Variants in LRBA observed in about 807,000 individuals in gnomAD.
LRBA encodes lipopolysaccharide-responsive and beige-like anchor protein.
A neutral mutation model predicts 330.0 loss-of-function variants in LRBA; 176 were observed. That is an observed-to-expected ratio of 0.53 (90% CI 0.47 to 0.60). LRBA has a LOEUF of 0.60. Ranked by LOEUF, LRBA falls within the 20% of genes least tolerant of loss-of-function variation. LRBA has a pLI of 0.00. For synonymous variants in LRBA, 1,230 were observed against 1,193.0 expected (o/e 1.03, Z -0.64); for missense variants, 3,259 against 3,444.8 (o/e 0.95, Z 1.35).
In LRBA at chr4:150,817,292, A is replaced by G. The variant is rs557342729; in HGVS notation, c.5172-35T>C. Reference sequence around the variant, plus strand: ...AGAAAGTAAACAGACTGAAAGATACAAATTGATCTCTTGAATTAATTACAT... The same window carrying G: ...AGAAAGTAAACAGACTGAAAGATACGAATTGATCTCTTGAATTAATTACAT... On this transcript the variant is annotated intron_variant, in intron 30 of 56. Transcript: ENST00000651943. The G allele has an allele frequency of 8.2e-6, 13 of 1,593,450 alleles. No individual in the cohort carries two copies. In the East Asian group the frequency reaches 2.9e-4, roughly 36 times the overall value.
At chr4:150,649,357 T>A (rs1290217629) in intron 37 of LRBA, among the ~76,000 whole-genome samples, 3 of 152,200 alleles carry the variant, frequency 2.0e-5, no homozygotes, top group Non-Finnish European at 4.4e-5. Context: ...CAATCTGGTT[T>A]ACATACCACT....
At chr4:150,542,795 A>G (rs1765450794) in intron 40 of LRBA, among the ~76,000 whole-genome samples, 2 of 152,168 alleles carry the variant, frequency 1.3e-5, no homozygotes, top group Admixed American at 6.5e-5. Flanking sequence ...ATTTAAAATC[A>G]CCCAATCTTC....
intron 35 of LRBA, among the ~76,000 whole-genome samples, chr4:150,759,531 T>C (rs1379900458): frequency 6.6e-6 from 1 of 152,124 alleles, no homozygotes; most frequent in Non-Finnish European, 1.5e-5. Flanking sequence ...TGTTACTTTC[T>C]CAATGAGTCC....
At chr4:150,450,010 G>A (rs1361059190) in intron 44 of LRBA, among the ~76,000 whole-genome samples, 2 of 152,016 alleles carry the variant, frequency 1.3e-5, no homozygotes, top group Non-Finnish European at 1.5e-5. Flanking sequence ...GTCAGACTGG[G>A]CATGAAAGCA....
chr4:150,916,960 T>A (rs527521021), intron 5 of LRBA, among the ~76,000 whole-genome samples: 1 of 152,248 alleles, frequency 6.6e-6, no homozygotes, highest in East Asian at 1.9e-4. Context: ...GAGACCATCC[T>A]GGCTAACACG....
rs569240538 is a variant in LRBA at position 150,435,807 on chromosome 4, A to C, written c.6922-99T>G. The C allele has an allele frequency of 1.2e-4, 90 of 750,562 alleles. 1 individual carries two copies. The South Asian group carries it at 1.8e-3, about 15-fold the overall frequency. The allele number at this position is 750,562 out of a possible 1,614,324, so 46.5% of individuals were successfully genotyped here. ...CTAAATACTTTAATGACTAATAGGCATTCACTAGTAATATAAACTAGGTAT... is the reference window on the plus strand; with the variant it reads ...CTAAATACTTTAATGACTAATAGGCCTTCACTAGTAATATAAACTAGGTAT... On this transcript the variant is annotated intron_variant, in intron 45 of 56. Coordinates refer to ENST00000651943, the MANE Select transcript of LRBA (RefSeq NM_001364905.1).
chr4:151,014,354 G>T, intron 2 of LRBA, 73 bp downstream of exon 2: 1 of 1,263,148 alleles, frequency 7.9e-7, no homozygotes, highest in Non-Finnish European at 1.1e-6. Context: ...TAAACCACAT[G>T]GCTCCAGCTT....
intron 36 of LRBA, among the ~76,000 whole-genome samples, chr4:150,718,964 A>G (rs1426514897): frequency 1.3e-5 from 2 of 152,018 alleles, no homozygotes; most frequent in East Asian, 3.9e-4. Context: ...ACTTCATGCT[A>G]TTTTCAAACT....
rs1221512249 is a variant in LRBA at position 150,477,625 on chromosome 4, A to G, written c.6552-5886T>C. On this transcript the variant is annotated intron_variant, in intron 42 of 56. Transcript: ENST00000651943. The stretch of plus-strand genomic sequence containing the variant: ...TGGGGACACAGAGAAAAACCATATC[A>G]AATTGTAACCCCCAGTGTTGGAGGT... Among the ~76,000 whole-genome samples the G allele has an allele frequency of 2.6e-5, 4 of 152,094 alleles. No individual in the cohort carries two copies. In the South Asian group the frequency reaches 6.2e-4, roughly 24 times the overall value.
chr4:150,429,397 C>G (rs1289349780), intron 46 of LRBA, among the ~76,000 whole-genome samples: 2 of 151,908 alleles, frequency 1.3e-5, no homozygotes, highest in Non-Finnish European at 2.9e-5. Context: ...GGGTGGCAAA[C>G]AGAAGAGCTC....
At chr4:150,323,824 A>G (rs1732878092) in intron 49 of LRBA, among the ~76,000 whole-genome samples, 1 of 152,206 alleles carries the variant, frequency 6.6e-6, no homozygotes, top group Admixed American at 6.5e-5. Flanking sequence ...GAGCAGAGCA[A>G]CTGGTAAAAC....
chr4:150,349,824 G>A (rs1736899271), intron 48 of LRBA, among the ~76,000 whole-genome samples, 168 bp downstream of exon 48: 1 of 152,150 alleles, frequency 6.6e-6, no homozygotes, highest in South Asian at 2.1e-4. Context: ...AGGAACCTCT[G>A]GGTTCAAGTT....
At chr4:150,868,763 C>T (rs1753058280) in intron 20 of LRBA, among the ~76,000 whole-genome samples, 1 of 151,920 alleles carries the variant, frequency 6.6e-6, no homozygotes, top group Admixed American at 6.6e-5. Context: ...CATGGCAAAA[C>T]CCCATCTCTA....
intron 2 of LRBA, among the ~76,000 whole-genome samples, chr4:150,998,707 T>C (rs1027161832): frequency 1.3e-5 from 2 of 151,996 alleles, no homozygotes; most frequent in African/African-American, 2.4e-5. Context: ...ACACATAAAA[T>C]CCCCCATGAA....
At chr4:150,578,819 A>G (rs1770857638) in intron 40 of LRBA, among the ~76,000 whole-genome samples, 1 of 152,214 alleles carries the variant, frequency 6.6e-6, no homozygotes, top group Non-Finnish European at 1.5e-5. Context: ...AAAAATTCAG[A>G]TCACACCCTG....
intron 48 of LRBA, among the ~76,000 whole-genome samples, chr4:150,326,540 C>G (rs1460626850): frequency 6.6e-6 from 1 of 152,166 alleles, no homozygotes; most frequent in East Asian, 1.9e-4. Flanking sequence ...TTTTGCAAGG[C>G]ACTCTCCTAC....
rs144658920 is a variant in LRBA, at chr4:150,363,570, C to T, written c.7195-13411G>A. On this transcript the variant is annotated intron_variant, in intron 47 of 56. Transcript: ENST00000651943. Reference sequence around the variant, plus strand: ...ACAATAAATTCCAAAAGGGCAGGTACTATATACCATCTTTCTCACTGCTGT... The same window carrying T: ...ACAATAAATTCCAAAAGGGCAGGTATTATATACCATCTTTCTCACTGCTGT... Among the ~76,000 whole-genome samples, 4 of 152,250 alleles carry T rather than the reference C, an allele frequency of 2.6e-5. No individual in the cohort carries two copies. The East Asian group carries it at 7.7e-4, about 29-fold the overall frequency.
In LRBA at chr4:150,316,416, C is replaced by T. The variant is rs139763298; in HGVS notation, c.7631-793G>A. Among the ~76,000 whole-genome samples, 34 of 152,128 alleles carry T rather than the reference C, an allele frequency of 2.2e-4. 1 individual carries two copies. The highest frequency in any genetic ancestry group is 6.3e-4 in the African/African-American group (26 of 41,514). The stretch of plus-strand genomic sequence containing the variant: ...TCCCTCTGAAAGGGAGAAGGACTTT[C>T]GGTAGAGAGGAAGTATATCAGGAAT... On this transcript the variant is annotated intron_variant, in intron 50 of 56. Transcript: ENST00000651943.
chr4:150,937,019 A>AT (rs1735146996), intron 2 of LRBA, among the ~76,000 whole-genome samples: 1 of 152,028 alleles, frequency 6.6e-6, no homozygotes, highest in African/African-American at 2.4e-5. Context: ...GAAGCTATAG[A>AT]TTTTTGAAAG....
Sources: gnomAD v4.1 joint callset for allele counts (sites outside exome capture counted in the v4.1 genomes callset) on GRCh38, gnomAD v4.1.1 for gene constraint, MANE v1.5 for transcripts, NCBI Gene and HGNC (gene_info 2026-07-23, HGNC 2026-07-21) for gene names.